NTF3: variants seen among roughly 807,000 people sequenced by gnomAD.
The protein encoded by NTF3 is neurotrophin-3.
In NTF3, 8 loss-of-function variants were observed where a neutral mutation model predicts 26.3. The observed-to-expected ratio is 0.30, with a 90% CI of 0.18 to 0.55. The LOEUF (loss-of-function observed/expected upper bound fraction) is 0.55, where lower values mean the gene tolerates loss of function less well. Among genes scored for constraint, NTF3 ranks in the 20% least tolerant of loss-of-function variants. The pLI, the probability that NTF3 is intolerant of heterozygous loss-of-function variation, is 0.93. For synonymous variants in NTF3, 154 were observed against 145.5 expected (o/e 1.06, Z -0.42); for missense variants, 276 against 352.9 (o/e 0.78, Z 1.75).
upstream of NTF3, among the ~76,000 whole-genome samples, chr12:5,431,193 GGTTT>G (rs571406752): frequency 5.5e-3 from 842 of 152,268 alleles, 8 homozygotes; most frequent in Non-Finnish European, 1.0e-2. Flanking sequence ...GCCACGAACA[GGTTT>G]GTTTGTTGCT....
intron 1 of NTF3, among the ~76,000 whole-genome samples, chr12:5,490,529 C>T (rs1940922672): frequency 6.6e-6 from 1 of 152,222 alleles, no homozygotes; most frequent in African/African-American, 2.4e-5. Flanking sequence ...ATGGAGCTGG[C>T]ACTGCCTTCC....
At chr12:5,440,310 A>G (rs888599274) in intron 1 of NTF3, among the ~76,000 whole-genome samples, 1 of 152,082 alleles carries the variant, frequency 6.6e-6, no homozygotes, top group African/African-American at 2.4e-5. Flanking sequence ...TAGGGTGATA[A>G]TTTTTTTCTT....
At chr12:5,484,318 G>C (rs1172044834) in intron 1 of NTF3, among the ~76,000 whole-genome samples, 1 of 152,168 alleles carries the variant, frequency 6.6e-6, no homozygotes, top group African/African-American at 2.4e-5. Flanking sequence ...GAGAAACAGA[G>C]AGGACCAGAA....
At chr12:5,483,898 G>T (rs1230345420) in intron 1 of NTF3, among the ~76,000 whole-genome samples, 1 of 152,230 alleles carries the variant, frequency 6.6e-6, no homozygotes, top group East Asian at 1.9e-4. Flanking sequence ...CATGAGGAAG[G>T]TGGATGCCAA....
At chr12:5,467,617 G>A (rs969682743) in intron 1 of NTF3, among the ~76,000 whole-genome samples, 5 of 152,168 alleles carry the variant, frequency 3.3e-5, no homozygotes. Flanking sequence ...TTAATTGGAG[G>A]CACAAAAGCC....
In NTF3 at chr12:5,467,228, C is replaced by CAAAAAAAAAAAAAAAAAAAAAAAAAAAA. The variant is rs60794349; in HGVS notation, c.19-26958_19-26931dup. Among the ~76,000 whole-genome samples, 3 of 49,542 alleles carry CAAAAAAAAAAAAAAAAAAAAAAAAAAAA rather than the reference C, an allele frequency of 6.1e-5. 1 individual carries two copies. Among genetic ancestry groups the CAAAAAAAAAAAAAAAAAAAAAAAAAAAA allele is most frequent in the Non-Finnish European group, 9.8e-5 (3 of 30,720 alleles). 32.5% of individuals were successfully genotyped at this position (49,542 alleles called of 152,430 possible). The stretch of plus-strand genomic sequence containing the variant: ...TGTGCAACAGAGCGAGACTCCGTCT[C>CAAAAAAAAAAAAAAAAAAAAAAAAAAAA]AAAAAAAAAAAAAAAAAAAAAAAAA... On this transcript the variant is annotated intron_variant, in intron 1 of 1. Coordinates refer to ENST00000423158, the MANE Select transcript of NTF3 (RefSeq NM_001102654.2).
chr12:5,473,285 C>T (rs994451022), intron 1 of NTF3, among the ~76,000 whole-genome samples: 1 of 152,218 alleles, frequency 6.6e-6, no homozygotes, highest in African/African-American at 2.4e-5. Flanking sequence ...CCGCATGAGG[C>T]ACTGGAGCTG....
chr12:5,460,348 T>G (rs1007653950), intron 1 of NTF3, among the ~76,000 whole-genome samples: 7 of 152,158 alleles, frequency 4.6e-5, no homozygotes. Context: ...TGCCCATCCC[T>G]CCTCCCTCCT....
intron 1 of NTF3, among the ~76,000 whole-genome samples, chr12:5,492,140 C>G (rs572502702): frequency 1.3e-5 from 2 of 152,262 alleles, no homozygotes; most frequent in South Asian, 4.2e-4. Context: ...CAGCCACCAC[C>G]CATAAAGACT....
chr12:5,438,028 G>A (rs912541696), intron 1 of NTF3, among the ~76,000 whole-genome samples: 2 of 152,082 alleles, frequency 1.3e-5, no homozygotes, highest in Non-Finnish European at 2.9e-5. Flanking sequence ...GGGACAGCCT[G>A]AGAAAAAAGT....
chr12:5,452,103 T>C (rs1292754582), intron 1 of NTF3, among the ~76,000 whole-genome samples: 4 of 150,734 alleles, frequency 2.7e-5, no homozygotes, highest in South Asian at 2.1e-4. Context: ...TTTCTTTTTT[T>C]TTTTTTTTTT....
At position 5,494,465 on chromosome 12, in the gene NTF3, C is replaced by T. The variant is rs140729483; in HGVS notation, c.290C>T (p.Pro97Leu). Residue 97 changes from proline (P) to leucine (L), a missense_variant, in exon 2 of 2, where the codon CCG becomes CTG. Transcript: ENST00000423158. This position sits in a 1 kb window ranked among gnomAD's most constrained non-coding sequence, Gnocchi z 8.3. ...RGGPAKSAFQ[P>L]VIAMDTELLR... ...GGGCCCGCCAAGTCAGCATTCCAGCCGGTGATTGCAATGGACACCGAACTG... is the reference window on the plus strand; with the variant it reads ...GGGCCCGCCAAGTCAGCATTCCAGCTGGTGATTGCAATGGACACCGAACTG... 8 of 1,613,632 alleles carry T rather than the reference C, an allele frequency of 5.0e-6. No homozygotes were observed. Among genetic ancestry groups the T allele is most frequent in the Non-Finnish European group, 5.9e-6 (7 of 1,180,026 alleles).
At chr12:5,445,056 C>T (rs1940286881) in intron 1 of NTF3, among the ~76,000 whole-genome samples, 1 of 152,142 alleles carries the variant, frequency 6.6e-6, no homozygotes, top group Non-Finnish European at 1.5e-5. Context: ...TATGCATTTC[C>T]ATCCTAATTT....
intron 1 of NTF3, among the ~76,000 whole-genome samples, chr12:5,468,122 T>C (rs1940615942): frequency 6.6e-6 from 1 of 152,222 alleles, no homozygotes; most frequent in African/African-American, 2.4e-5. Flanking sequence ...GTCTCTTCGA[T>C]GCTATCAACT....
At chr12:5,441,609 A>C (rs1387222564) in intron 1 of NTF3, among the ~76,000 whole-genome samples, 1 of 152,150 alleles carries the variant, frequency 6.6e-6, no homozygotes, top group Non-Finnish European at 1.5e-5. Context: ...TTCACAGAGA[A>C]AGGGATCTGT....
At chr12:5,467,009 A>T (rs1201851177) in intron 1 of NTF3, among the ~76,000 whole-genome samples, 1 of 152,038 alleles carries the variant, frequency 6.6e-6, no homozygotes, top group East Asian at 1.9e-4. Flanking sequence ...GGGCGGTTGG[A>T]TCACAAGGTC....
rs1940445685 is a variant in NTF3 at position 5,456,206 on chromosome 12, G to T, written c.18+23864G>T. On this transcript the variant is annotated intron_variant, in intron 1 of 1. Coordinates refer to ENST00000423158, the MANE Select transcript of NTF3 (RefSeq NM_001102654.2). This position sits in a 1 kb window ranked among gnomAD's most constrained non-coding sequence, Gnocchi z 4.4. ...GCACTGCAAGCTTTAAATGCGAGTG[G>T]CATCATCCCCTTCCGGTCACCATGG... Among the ~76,000 whole-genome samples, 4 of 152,160 alleles carry T rather than the reference G, an allele frequency of 2.6e-5. No individual in the cohort carries two copies. The highest frequency in any genetic ancestry group is 2.6e-4 in the Admixed American group (4 of 15,282).
chr12:5,468,378 T>C (rs1940618365), intron 1 of NTF3, among the ~76,000 whole-genome samples: 1 of 152,200 alleles, frequency 6.6e-6, no homozygotes, highest in Non-Finnish European at 1.5e-5. Flanking sequence ...TTTTTTTTAC[T>C]TTTCAAGAAC....
chr12:5,481,491 CAGAT>C, intron 1 of NTF3, among the ~76,000 whole-genome samples: 2 of 12,202 alleles, frequency 1.6e-4, no homozygotes, highest in Non-Finnish European at 3.9e-4. Flanking sequence ...ATGCACACCA[CAGAT>C]ACACAGAATA....
Sources: allele counts gnomAD v4.1 joint callset (sites outside exome capture counted in the v4.1 genomes callset), GRCh38; gene constraint gnomAD v4.1.1; non-coding constraint Gnocchi (gnomAD v3.1); transcripts MANE v1.5; gene names NCBI Gene and HGNC (gene_info 2026-07-23, HGNC 2026-07-21).